Variants in CNTN3 observed in about 807,000 individuals in gnomAD.
The protein encoded by CNTN3 is contactin-3.
A neutral mutation model predicts 119.1 loss-of-function variants in CNTN3; 60 were observed. The ratio of observed to expected loss-of-function variants is 0.50; its 90% confidence interval spans 0.41 to 0.62. The LOEUF is 0.62. Ranked by LOEUF, CNTN3 falls within the 20% of genes least tolerant of loss-of-function variation. CNTN3 has a pLI of 0.00. For synonymous variants in CNTN3, 450 were observed against 438.7 expected, an observed-to-expected ratio of 1.03 and a Z score of -0.32; for missense variants, 1,101 against 1,242.4, an observed-to-expected ratio of 0.89 and a Z score of 1.71.
At chr3:74,390,369 C>CT (rs34399433) in intron 5 of CNTN3, among the ~76,000 whole-genome samples, 38,575 of 123,174 alleles carry the variant, frequency 0.31, 6,703 homozygotes, top group Non-Finnish European at 0.41. Flanking sequence ...TGAGAGTATG[C>CT]TTTTTTTTTT....
intron 8 of CNTN3, 95 bp downstream of exon 8, chr3:74,369,094 A>G (rs1559567158): frequency 4.8e-6 from 4 of 841,440 alleles, no homozygotes; most frequent in African/African-American, 1.8e-5. Context: ...GAACATTGGG[A>G]TTCTGCTATA....
At chr3:74,331,486 G>A (rs1218874155) in intron 13 of CNTN3, among the ~76,000 whole-genome samples, 1 of 152,120 alleles carries the variant, frequency 6.6e-6, no homozygotes. Context: ...TAAGCAACAT[G>A]TGACTGTACT....
intron 5 of CNTN3, among the ~76,000 whole-genome samples, chr3:74,387,845 T>G (rs913304258): frequency 3.5e-4 from 53 of 152,312 alleles, no homozygotes; most frequent in African/African-American, 1.2e-3. Context: ...AAGAAAGGTC[T>G]CCATTCTACT....
intron 5 of CNTN3, among the ~76,000 whole-genome samples, chr3:74,389,448 T>A (rs1208509707): frequency 6.6e-6 from 1 of 152,216 alleles, no homozygotes; most frequent in African/African-American, 2.4e-5. Flanking sequence ...TTTTGTGTAT[T>A]ACATCCTATG....
chr3:74,511,213 T>C (rs1703357899), intron 2 of CNTN3, among the ~76,000 whole-genome samples: 1 of 152,002 alleles, frequency 6.6e-6, no homozygotes, highest in South Asian at 2.1e-4. Context: ...AAATCAAAGG[T>C]CTAGCAATCT....
chr3:74,359,909 C>T (rs542228350), intron 11 of CNTN3, among the ~76,000 whole-genome samples: 1 of 152,260 alleles, frequency 6.6e-6, no homozygotes, highest in Admixed American at 6.5e-5. Context: ...CCAAAATTAA[C>T]TAGTTTGTGC....
At chr3:74,342,204 T>C (rs1476806927) in intron 11 of CNTN3, among the ~76,000 whole-genome samples, 3 of 152,164 alleles carry the variant, frequency 2.0e-5, no homozygotes, top group Admixed American at 6.5e-5. Context: ...ATAGAGTATA[T>C]GTTCTCATTT....
In CNTN3 at chr3:74,297,911, A is replaced by G. The variant is rs769014566; in HGVS notation, c.2401+46T>C. The G allele has an allele frequency of 2.8e-6, 4 of 1,434,608 alleles. No individual in the cohort carries two copies. In the South Asian group the frequency reaches 3.7e-5, roughly 13 times the overall value. The allele number at this position is 1,434,608 out of a possible 1,614,324, so 88.9% of individuals were successfully genotyped here. A position where few individuals can be genotyped will look rare whatever the true frequency, so the allele number is the denominator to read the frequency against. On this transcript the variant is annotated intron_variant, in intron 18 of 22. Coordinates refer to ENST00000263665, the MANE Select transcript of CNTN3 (RefSeq NM_020872.3). ...CTCCAAATCAGTTTTTGGAGCACAA[A>G]TAATTATTATTAGGCGGAACTGATA...
chr3:74,588,047 A>G (rs1559669305), intron 1 of CNTN3, among the ~76,000 whole-genome samples: 1 of 152,104 alleles, frequency 6.6e-6, no homozygotes, highest in Non-Finnish European at 1.5e-5. Context: ...ATCTATTGAG[A>G]CAATCATGTG....
chr3:74,452,798 GT>G (rs1210236150), intron 4 of CNTN3, among the ~76,000 whole-genome samples: 1 of 151,632 alleles, frequency 6.6e-6, no homozygotes, highest in Non-Finnish European at 1.5e-5. Context: ...CTTTGGTTCT[GT>G]TTATATGCTG....
At chr3:74,482,843 C>T (rs1458453920) in intron 4 of CNTN3, among the ~76,000 whole-genome samples, 1 of 152,138 alleles carries the variant, frequency 6.6e-6, no homozygotes, top group East Asian at 1.9e-4. Flanking sequence ...CTAATCCCTT[C>T]TTTCAGTTAG....
In CNTN3 at chr3:74,499,650, T is replaced by C; in HGVS notation, c.182+9A>G. The C allele has an allele frequency of 6.3e-7, 1 of 1,588,730 alleles. No individual in the cohort carries two copies. The highest frequency in any genetic ancestry group is 8.5e-7 in the Non-Finnish European group (1 of 1,171,894). On this transcript the variant is annotated intron_variant, in intron 3 of 22. Coordinates refer to ENST00000263665, the MANE Select transcript of CNTN3 (RefSeq NM_020872.3). ...TTTTTTATTTGAATTTTCAAACTTT[T>C]CACTGTACCTGTAATGAGGTGATGG... is the stretch of plus-strand genomic sequence containing the variant.
At chr3:74,394,919 G>C (rs1705007373) in intron 5 of CNTN3, among the ~76,000 whole-genome samples, 1 of 152,062 alleles carries the variant, frequency 6.6e-6, no homozygotes, top group African/African-American at 2.4e-5. Context: ...CTGTAAATAT[G>C]ACTCTTTTAT....
chr3:74,397,526 CTCTCTCTCTG>C (rs1705086958), intron 5 of CNTN3, among the ~76,000 whole-genome samples: 1 of 151,832 alleles, frequency 6.6e-6, no homozygotes, highest in South Asian at 2.1e-4. Context: ...CTCTCTCTCT[CTCTCTCTCTG>C]TCTCATTGGG....
At chr3:74,479,288 A>G (rs1366758157) in intron 4 of CNTN3, among the ~76,000 whole-genome samples, 1 of 152,090 alleles carries the variant, frequency 6.6e-6, no homozygotes, top group African/African-American at 2.4e-5. Context: ...AAATCAAGTC[A>G]TTGTGGAATT....
At chr3:74,582,269 G>T (rs1575844914) in intron 1 of CNTN3, among the ~76,000 whole-genome samples, 1 of 152,076 alleles carries the variant, frequency 6.6e-6, no homozygotes, top group Admixed American at 6.6e-5. Context: ...AGCTGGGTAT[G>T]GTGGCGGGCG....
chr3:74,561,496 C>G (rs1263465612), intron 1 of CNTN3, among the ~76,000 whole-genome samples: 3 of 152,122 alleles, frequency 2.0e-5, no homozygotes, highest in African/African-American at 7.2e-5. Flanking sequence ...TCTCAGGGCA[C>G]TTGCACTTGT....
chr3:74,381,065 C>T (rs200039617), intron 5 of CNTN3, among the ~76,000 whole-genome samples: 3,839 of 137,104 alleles, frequency 0.028, 66 homozygotes, highest in East Asian at 0.081. Flanking sequence ...TTTTTTTTTT[C>T]TCTCTCTCTC....
chr3:74,435,295 C>T (rs927955616), intron 4 of CNTN3, among the ~76,000 whole-genome samples: 62 of 152,288 alleles, frequency 4.1e-4, no homozygotes, highest in Non-Finnish European at 2.6e-4. Flanking sequence ...ATGCCTCAGC[C>T]TCCCAAGTAG....
Sources: gnomAD v4.1 joint callset for allele counts (sites outside exome capture counted in the v4.1 genomes callset) on GRCh38, gnomAD v4.1.1 for gene constraint, MANE v1.5 for transcripts, NCBI Gene and HGNC (gene_info 2026-07-23, HGNC 2026-07-21) for gene names.